Variants in MET observed in about 807,000 individuals in gnomAD.
The protein encoded by MET is hepatocyte growth factor receptor.
A neutral mutation model predicts 133.1 loss-of-function variants in MET; 48 were observed. The ratio of observed to expected loss-of-function variants is 0.36; its 90% CI spans 0.29 to 0.46. MET has a LOEUF of 0.46. Among genes scored for constraint, MET ranks in the 20% least tolerant of loss-of-function variants. The pLI, the probability that MET is intolerant of heterozygous loss-of-function variation, is 1.00. For missense variants in MET, 1,442 were observed against 1,695.9 expected (o/e 0.85, Z 2.63); for synonymous variants, 628 against 616.5 (o/e 1.02, Z -0.28).
chr7:116,787,262 C>T (rs1266082683), intron 19 of MET, among the ~76,000 whole-genome samples: 2 of 152,144 alleles, frequency 1.3e-5, no homozygotes, highest in African/African-American at 4.8e-5. Flanking sequence ...AGAATTAACC[C>T]ATCCTCCAAG....
chr7:116,702,681 T>A (rs1791624825), intron 2 of MET, among the ~76,000 whole-genome samples: 1 of 152,154 alleles, frequency 6.6e-6, no homozygotes, highest in Non-Finnish European at 1.5e-5. Context: ...CATATTGTAG[T>A]TTTGTTATTA....
At chr7:116,724,146 G>C (rs560756723) in intron 2 of MET, 1 of 174,240 alleles carries the variant, frequency 5.7e-6, no homozygotes, top group African/African-American at 2.4e-5. Flanking sequence ...CTCCGTGGGC[G>C]TAGGACCCTC....
At chr7:116,691,763 G>A (rs894584478) in intron 1 of MET, among the ~76,000 whole-genome samples, 1 of 152,168 alleles carries the variant, frequency 6.6e-6, no homozygotes, top group African/African-American at 2.4e-5. Flanking sequence ...AATGAAAGAG[G>A]CCCTCTCCCA....
chr7:116,761,306 A>G (rs1474855429), intron 10 of MET, among the ~76,000 whole-genome samples: 2 of 152,196 alleles, frequency 1.3e-5, no homozygotes, highest in Admixed American at 1.3e-4. Context: ...GTAGAACTGT[A>G]CATTAGAATC....
At chr7:116,756,276 G>T (rs752480046) in intron 6 of MET, among the ~76,000 whole-genome samples, 2 of 151,976 alleles carry the variant, frequency 1.3e-5, no homozygotes, top group Non-Finnish European at 2.9e-5. Flanking sequence ...AGAGAATCCA[G>T]AAATTATTCA....
At chr7:116,722,151 T>G (rs998755745) in intron 2 of MET, among the ~76,000 whole-genome samples, 6 of 151,954 alleles carry the variant, frequency 3.9e-5, no homozygotes, top group African/African-American at 1.2e-4. Flanking sequence ...AGGACTTGCT[T>G]TATGAATCTG....
intron 18 of MET, 80 bp from the exon 19 acceptor site, chr7:116,783,224 T>A (rs2117064293): frequency 6.5e-7 from 1 of 1,541,134 alleles, no homozygotes; most frequent in South Asian, 1.1e-5. Flanking sequence ...CTGAAGCCAC[T>A]TGTTTAATCT....
At chr7:116,767,968 A>ATG (rs1794685555) in intron 11 of MET, among the ~76,000 whole-genome samples, 2 of 124,440 alleles carry the variant, frequency 1.6e-5, no homozygotes, top group Admixed American at 8.0e-5. Context: ...ATGCATATAT[A>ATG]TATATATGTG....
chr7:116,768,173 A>G (rs983393795), intron 11 of MET, among the ~76,000 whole-genome samples: 2 of 152,076 alleles, frequency 1.3e-5, no homozygotes, highest in South Asian at 2.1e-4. Context: ...AACCAGGGAG[A>G]TCCTAAGCCT....
Position 116,731,709 on chromosome 7 carries a change from T to A in MET, c.1242T>A (p.Asp414Glu), listed in dbSNP as rs1230741853. The change falls in exon 3 of 21, where the codon GAT becomes GAA. Residue 414 changes from aspartate to glutamate, a missense_variant. Physicochemically the swap from Asp to Glu is conservative, Grantham distance 45. Coordinates refer to ENST00000397752, the MANE Select transcript of MET (RefSeq NM_000245.4). ...RNSSGCEARR[D>E]EYRTEFTTAL... ...CATCAGGCTGTGAAGCGCGCCGTGA[T>A]GAATATCGAACAGAGTTTACCACAG... 1.2e-6 allele frequency: 2 copies of A among 1,614,032 alleles called. No homozygotes were observed. Among genetic ancestry groups the A allele is most frequent in the Non-Finnish European group, 1.7e-6 (2 of 1,179,996 alleles).
intron 19 of MET, among the ~76,000 whole-genome samples, chr7:116,793,068 G>A (rs1795559807): frequency 6.6e-6 from 1 of 152,024 alleles, no homozygotes; most frequent in Admixed American, 6.5e-5. Context: ...CCTCCATATT[G>A]TGAATCAGCT....
At chr7:116,769,581 C>A (rs1299287391) in intron 11 of MET, 64 bp from the exon 12 acceptor site, 1 of 1,582,502 alleles carries the variant, frequency 6.3e-7, no homozygotes, top group South Asian at 1.1e-5. Context: ...ATTCCTTTGC[C>A]ATTGTTAGCA....
At chr7:116,781,871 AC>A in intron 17 of MET, 116 bp from the exon 18 acceptor site, 1 of 762,740 alleles carries the variant, frequency 1.3e-6, no homozygotes, top group Non-Finnish European at 2.2e-6. Flanking sequence ...AGCCATTAAG[AC>A]CAAACTAATT....
intron 2 of MET, among the ~76,000 whole-genome samples, chr7:116,715,096 GC>G (rs1357265123): frequency 6.6e-6 from 1 of 152,162 alleles, no homozygotes; most frequent in Non-Finnish European, 1.5e-5. Context: ...GTTGCACAAG[GC>G]AGGGATTTAT....
chr7:116,674,920 T>C (rs1485377537), intron 1 of MET, among the ~76,000 whole-genome samples: 1 of 152,246 alleles, frequency 6.6e-6, no homozygotes, highest in East Asian at 1.9e-4. Flanking sequence ...TGTTTATTCA[T>C]AGGATACTCA....
intron 2 of MET, among the ~76,000 whole-genome samples, chr7:116,716,507 AAGAAAG>A (rs1350728182): frequency 4.0e-5 from 6 of 151,520 alleles, no homozygotes; most frequent in Non-Finnish European, 7.4e-5. Flanking sequence ...GAAAGAAAGA[AAGAAAG>A]AAAGAAAGAA....
intron 2 of MET, among the ~76,000 whole-genome samples, chr7:116,721,380 C>T (rs369805886): frequency 1.3e-5 from 2 of 151,960 alleles, no homozygotes; most frequent in African/African-American, 2.4e-5. Flanking sequence ...TCTCTCTTTT[C>T]TTCTTTATTA....
chr7:116,791,876 G>T (rs762170557), intron 19 of MET, among the ~76,000 whole-genome samples: 1 of 152,030 alleles, frequency 6.6e-6, no homozygotes, highest in Non-Finnish European at 1.5e-5. Context: ...TGTTGGCCAG[G>T]CTCCTGACTT....
intron 11 of MET, among the ~76,000 whole-genome samples, chr7:116,769,393 C>A (rs1412427532): frequency 2.0e-5 from 3 of 152,126 alleles, no homozygotes; most frequent in Non-Finnish European, 4.4e-5. Context: ...GAAGCAAGAA[C>A]CTCTTTCCTT....
Sources: gnomAD v4.1 joint callset for allele counts (sites outside exome capture counted in the v4.1 genomes callset) on GRCh38, gnomAD v4.1.1 for gene constraint, MANE v1.5 for transcripts, NCBI Gene and HGNC (gene_info 2026-07-23, HGNC 2026-07-21) for gene names.